CCSER1: variants seen among roughly 807,000 people sequenced by gnomAD.
CCSER1 encodes coiled-coil serine rich protein 1, also known as serine-rich coiled-coil domain-containing protein 1.
A neutral mutation model predicts 82.0 loss-of-function variants in CCSER1; 41 were observed. That is an observed-to-expected ratio of 0.50 (90% CI 0.39 to 0.65). The LOEUF (loss-of-function observed/expected upper bound fraction) is 0.65, where lower values mean the gene tolerates loss of function less well. Among genes scored for constraint, CCSER1 ranks in the 30% least tolerant of loss-of-function variants. The pLI is 0.00. For missense variants in CCSER1, 1,119 were observed against 1,064.2 expected (o/e 1.05, Z -0.72); for synonymous variants, 414 against 383.9 (o/e 1.08, Z -0.92).
intron 10 of CCSER1, among the ~76,000 whole-genome samples, chr4:91,407,834 A>G (rs920117519): frequency 6.6e-6 from 1 of 152,206 alleles, no homozygotes; most frequent in Non-Finnish European, 1.5e-5. Context: ...AGGAGGCGCC[A>G]CTTCCAACAC....
chr4:91,577,683 T>C (rs1185798550), intron 10 of CCSER1, among the ~76,000 whole-genome samples: 1 of 152,026 alleles, frequency 6.6e-6, no homozygotes, highest in African/African-American at 2.4e-5. Context: ...ATTTGAATAT[T>C]GCATTTTATT....
At chr4:90,234,796 C>G (rs1745459261) in intron 1 of CCSER1, among the ~76,000 whole-genome samples, 1 of 152,128 alleles carries the variant, frequency 6.6e-6, no homozygotes, top group African/African-American at 2.4e-5. Flanking sequence ...TAAATTTGAG[C>G]AGTGTCACTG....
intron 5 of CCSER1, among the ~76,000 whole-genome samples, chr4:90,617,109 A>C (rs1721425013): frequency 6.6e-6 from 1 of 152,226 alleles, no homozygotes; most frequent in African/African-American, 2.4e-5. Context: ...TATTCTTTTC[A>C]GAACAGTTTA....
chr4:90,839,132 T>G lies in CCSER1; in HGVS notation c.2094+23287T>G, dbSNP rs192621011. The G allele has an allele frequency of 1.4e-5, 13 of 929,016 alleles. No individual in the cohort carries two copies. In the African/African-American group the frequency reaches 1.7e-4, roughly 12 times the overall value. 57.5% of individuals were successfully genotyped at this position (929,016 alleles called of 1,614,324 possible). ...CGAGTTGTCGCCATAATATTTTTAA[T>G]AATGTTTGCATTTCTTCTATATTGC... On this transcript the variant is annotated intron_variant, in intron 8 of 10. Coordinates refer to ENST00000509176, the MANE Select transcript of CCSER1 (RefSeq NM_001145065.2).
At position 91,410,843 on chromosome 4, in the gene CCSER1, T is replaced by C. The variant is rs546934223; in HGVS notation, c.2218-187729T>C. On this transcript the variant is annotated intron_variant, in intron 10 of 10. Coordinates refer to ENST00000509176, the MANE Select transcript of CCSER1 (RefSeq NM_001145065.2). The stretch of plus-strand genomic sequence containing the variant: ...ATAAGCATGTATCCAACAAACATGA[T>C]TTATGATAATGTTTAATCACTAAAC... Among the ~76,000 whole-genome samples, 9 of 152,258 alleles carry C rather than the reference T, an allele frequency of 5.9e-5. No individual in the cohort carries two copies. The South Asian group carries it at 1.7e-3, about 28-fold the overall frequency.
intron 10 of CCSER1, among the ~76,000 whole-genome samples, chr4:91,231,541 GAGA>G (rs1365488665): frequency 2.0e-5 from 3 of 151,736 alleles, no homozygotes. Flanking sequence ...CTTAAGAGTA[GAGA>G]AGGTGTTGTA....
chr4:91,370,418 C>T (rs192899335), intron 10 of CCSER1, among the ~76,000 whole-genome samples: 3 of 151,976 alleles, frequency 2.0e-5, no homozygotes, highest in East Asian at 3.9e-4. Flanking sequence ...AATGTTTTGC[C>T]GGGCATGGTG....
At chr4:90,159,152 G>A (rs1728940782) in intron 1 of CCSER1, among the ~76,000 whole-genome samples, 1 of 152,162 alleles carries the variant, frequency 6.6e-6, no homozygotes, top group African/African-American at 2.4e-5. Context: ...TCCTACCTCA[G>A]CCTCTTTAGT....
At chr4:90,315,638 G>A (rs1259177310) in intron 3 of CCSER1, among the ~76,000 whole-genome samples, 2 of 151,994 alleles carry the variant, frequency 1.3e-5, no homozygotes, top group Non-Finnish European at 2.9e-5. Flanking sequence ...CGAGTAGCTG[G>A]GACCACAAGT....
chr4:91,239,016 G>A (rs1739241904), intron 10 of CCSER1, among the ~76,000 whole-genome samples: 1 of 151,988 alleles, frequency 6.6e-6, no homozygotes, highest in Non-Finnish European at 1.5e-5. Context: ...AGTAGAGACA[G>A]GTTTTCACCA....
chr4:91,211,630 G>A (rs539161072), intron 10 of CCSER1, among the ~76,000 whole-genome samples: 2 of 152,042 alleles, frequency 1.3e-5, no homozygotes, highest in Non-Finnish European at 2.9e-5. Context: ...AGTGGTTGGA[G>A]TAAGTACTAT....
chr4:91,017,362 G>A (rs1210683087), intron 9 of CCSER1: 3 of 152,092 alleles, frequency 2.0e-5, no homozygotes, highest in Non-Finnish European at 2.9e-5. Context: ...ATCTTCCATT[G>A]TATCCCTGTT....
intron 1 of CCSER1, among the ~76,000 whole-genome samples, chr4:90,158,215 T>C (rs1409830714): frequency 6.6e-6 from 1 of 152,190 alleles, no homozygotes; most frequent in African/African-American, 2.4e-5. Flanking sequence ...CAAATGCTGC[T>C]GTCTGATCGT....
intron 10 of CCSER1, among the ~76,000 whole-genome samples, chr4:91,477,942 T>G (rs1419239458): frequency 1.3e-5 from 2 of 151,862 alleles, no homozygotes; most frequent in African/African-American, 4.8e-5. Context: ...GCCCAGATAG[T>G]AAATGACTGA....
intron 3 of CCSER1, among the ~76,000 whole-genome samples, chr4:90,350,663 A>T (rs1387318432): frequency 6.6e-6 from 1 of 152,126 alleles, no homozygotes; most frequent in Admixed American, 6.5e-5. Flanking sequence ...TATGTAACGG[A>T]AGTAAAGCTA....
chr4:91,016,133 A>T (rs899647505), intron 9 of CCSER1, among the ~76,000 whole-genome samples: 1 of 152,036 alleles, frequency 6.6e-6, no homozygotes, highest in African/African-American at 2.4e-5. Flanking sequence ...AAAAATAATT[A>T]TAGTTTTAAT....
intron 4 of CCSER1, among the ~76,000 whole-genome samples, chr4:90,420,234 C>T (rs369545229): frequency 1.8e-4 from 28 of 151,952 alleles, no homozygotes; most frequent in East Asian, 1.5e-3. Context: ...TTTTACACTC[C>T]CATTAAAAAA....
chr4:90,351,764 A>C lies in CCSER1; in HGVS notation c.1509+38717A>C, dbSNP rs182452491. ...TTGTCTACATTTTATCTTTGCATAA[A>C]ATTTTTTGTTTTTTGTCTACTTTTT... On this transcript the variant is annotated intron_variant, in intron 3 of 10. Transcript: ENST00000509176. 7.2e-5 allele frequency among the ~76,000 whole-genome samples: 11 copies of C among 152,200 alleles called. No individual in the cohort carries two copies. The East Asian group carries it at 2.1e-3, about 29-fold the overall frequency.
chr4:91,313,942 A>G (rs1578176744), intron 10 of CCSER1, among the ~76,000 whole-genome samples: 1 of 152,010 alleles, frequency 6.6e-6, no homozygotes, highest in Admixed American at 6.6e-5. Flanking sequence ...GTAGTAACAG[A>G]TGATTGATAT....
Sources: gnomAD v4.1 joint callset for allele counts (sites outside exome capture counted in the v4.1 genomes callset) on GRCh38, gnomAD v4.1.1 for gene constraint, MANE v1.5 for transcripts, NCBI Gene and HGNC (gene_info 2026-07-23, HGNC 2026-07-21) for gene names.